The following PRKCB variants were observed in gnomAD, a reference collection of about 807,000 sequenced individuals.
PRKCB encodes the protein protein kinase C beta type.
A neutral mutation model predicts 81.5 loss-of-function variants in PRKCB; 13 were observed. The observed-to-expected ratio is 0.16, with a 90% CI of 0.10 to 0.25. The LOEUF (loss-of-function observed/expected upper bound fraction) is 0.25, where lower values mean the gene tolerates loss of function less well. Ranked by LOEUF, PRKCB falls within the 10% of genes least tolerant of loss-of-function variation. The pLI is 1.00. For missense variants in PRKCB, 509 were observed against 875.7 expected, an observed-to-expected ratio of 0.58 and a Z score of 5.29; for synonymous variants, 335 against 321.4, an observed-to-expected ratio of 1.04 and a Z score of -0.45.
In PRKCB at chr16:24,027,000, CT is replaced by C. The variant is rs1395895084; in HGVS notation, c.289-5130del. The stretch of plus-strand genomic sequence containing the variant: ...CAATACCAGTCATGAACAGGGGTTC[CT>C]TTTTTATTATTATTATACTTTAAGT... On this transcript the variant is annotated intron_variant, in intron 3 of 16. Transcript: ENST00000643927. 1.3e-5 allele frequency among the ~76,000 whole-genome samples: 2 copies of C among 152,042 alleles called. 1 individual carries two copies. Among genetic ancestry groups the C allele is most frequent in the Admixed American group, 1.3e-4 (2 of 15,262 alleles).
At chr16:24,011,051 A>C (rs1388351077) in intron 3 of PRKCB, among the ~76,000 whole-genome samples, 2 of 152,006 alleles carry the variant, frequency 1.3e-5, no homozygotes, top group African/African-American at 4.8e-5. Context: ...TTTTTTGTAG[A>C]GATGGGGTTT....
At position 24,191,080 on chromosome 16, in the gene PRKCB, T is replaced by C. The variant is rs2141979802; in HGVS notation, c.1723-10T>C. On this transcript the variant is annotated splice_polypyrimidine_tract_variant and intron_variant, in intron 15 of 16. Coordinates refer to ENST00000643927, the MANE Select transcript of PRKCB (RefSeq NM_002738.7). The stretch of plus-strand genomic sequence containing the variant: ...ACTCAGCAAATTCAATGTTTTTCTT[T>C]CTCTCGAAGCTGATGACCAAACACC... 6.2e-7 allele frequency: 1 copy of C among 1,611,286 alleles called. No individual in the cohort carries two copies. Among genetic ancestry groups the C allele is most frequent in the East Asian group, 2.2e-5 (1 of 44,808 alleles).
chr16:24,141,454 C>T lies in PRKCB; in HGVS notation c.1066-13230C>T, dbSNP rs543302526. Among the ~76,000 whole-genome samples, 11 of 152,302 alleles carry T rather than the reference C, an allele frequency of 7.2e-5. No homozygotes were observed. The Middle Eastern group carries it at 0.017, about 235-fold the overall frequency. Reference sequence around the variant, plus strand: ...CAAGTGATCCACCTGCCTCAGCCTCCCAAAGTGCTGGGATTACAGGCGTGA... The same window carrying T: ...CAAGTGATCCACCTGCCTCAGCCTCTCAAAGTGCTGGGATTACAGGCGTGA... On this transcript the variant is annotated intron_variant, in intron 9 of 16. Coordinates refer to ENST00000643927, the MANE Select transcript of PRKCB (RefSeq NM_002738.7).
intron 15 of PRKCB, 27 bp from the exon 16 acceptor site, chr16:24,191,063 A>C: frequency 6.2e-7 from 1 of 1,608,374 alleles, no homozygotes; most frequent in Non-Finnish European, 8.5e-7. Flanking sequence ...AAACTCAGCA[A>C]ATTCAATGTT....
At position 23,917,248 on chromosome 16, in the gene PRKCB, A is replaced by G. The variant is rs542673657; in HGVS notation, c.206-71260A>G. Among the ~76,000 whole-genome samples the G allele has an allele frequency of 2.6e-5, 4 of 151,948 alleles. No homozygotes were observed. The East Asian group carries it at 7.8e-4, about 29-fold the overall frequency. On this transcript the variant is annotated intron_variant, in intron 2 of 16. Transcript: ENST00000643927. Reference sequence around the variant, plus strand: ...CAGGTGTGTGCTACCACACCCGGCTAATTTTTGTGTTTTTAGTAGAGATAG... The same window carrying G: ...CAGGTGTGTGCTACCACACCCGGCTGATTTTTGTGTTTTTAGTAGAGATAG...
chr16:24,051,010 C>T (rs778333967), intron 5 of PRKCB, among the ~76,000 whole-genome samples: 6 of 152,092 alleles, frequency 3.9e-5, no homozygotes, highest in Non-Finnish European at 5.9e-5. Context: ...TTTTGCTCCA[C>T]GGCCAGGCTG....
intron 12 of PRKCB, 38 bp from the exon 13 acceptor site, chr16:24,180,752 C>T (rs1007730938): frequency 1.1e-5 from 18 of 1,602,958 alleles, no homozygotes; most frequent in East Asian, 1.1e-4. Flanking sequence ...AAATGCATAG[C>T]GTTTAATTAA....
At chr16:23,942,960 G>A (rs754453129) in intron 2 of PRKCB, among the ~76,000 whole-genome samples, 2 of 152,166 alleles carry the variant, frequency 1.3e-5, no homozygotes, top group African/African-American at 2.4e-5. Context: ...GGCAGTGACT[G>A]TCTCTTCTAT....
chr16:24,097,773 G>A (rs926282760), intron 7 of PRKCB, among the ~76,000 whole-genome samples: 2 of 152,160 alleles, frequency 1.3e-5, no homozygotes, highest in African/African-American at 4.8e-5. Context: ...AAAGTGGGAC[G>A]GGGAGGTGCT....
At chr16:23,990,905 A>T (rs950594045) in intron 3 of PRKCB, among the ~76,000 whole-genome samples, 4 of 152,208 alleles carry the variant, frequency 2.6e-5, no homozygotes, top group Non-Finnish European at 5.9e-5. Context: ...GCTTTCCACC[A>T]TGCACAGTCT....
At chr16:24,193,791 G>A (rs565334790) in intron 16 of PRKCB, among the ~76,000 whole-genome samples, 1 of 152,288 alleles carries the variant, frequency 6.6e-6, no homozygotes, top group South Asian at 2.1e-4. Flanking sequence ...ATGCAAGCCA[G>A]AGAGCAGGTG....
At chr16:24,163,066 C>A (rs1967287269) in intron 10 of PRKCB, among the ~76,000 whole-genome samples, 1 of 152,192 alleles carries the variant, frequency 6.6e-6, no homozygotes, top group African/African-American at 2.4e-5. Flanking sequence ...AAATTCCCTG[C>A]ATTTCAGATC....
chr16:24,170,209 C>T (rs999405710), intron 10 of PRKCB, among the ~76,000 whole-genome samples: 5 of 152,110 alleles, frequency 3.3e-5, no homozygotes, highest in Admixed American at 3.3e-4. Flanking sequence ...CTATCCTCAG[C>T]ACCCATCTAT....
chr16:24,202,676 A>G (rs1967977152), intron 16 of PRKCB, among the ~76,000 whole-genome samples: 1 of 152,154 alleles, frequency 6.6e-6, no homozygotes. Context: ...TCTACATCAC[A>G]CACAAGGATG....
At chr16:24,208,611 T>C (rs1968084326) in intron 16 of PRKCB, 1 of 152,094 alleles carries the variant, frequency 6.6e-6, no homozygotes, top group Non-Finnish European at 1.5e-5. Context: ...AGTCGGATTT[T>C]CTTTTTTTTT....
At chr16:24,119,977 G>A (rs1966780331) in intron 8 of PRKCB, among the ~76,000 whole-genome samples, 1 of 152,188 alleles carries the variant, frequency 6.6e-6, no homozygotes, top group Non-Finnish European at 1.5e-5. Context: ...CTGTACACAG[G>A]AGACGGGATA....
Position 24,220,388 on chromosome 16 carries a change from T to C in PRKCB, c.*5572T>C, listed in dbSNP as rs983469844. The C allele has an allele frequency of 2.2e-5, 6 of 274,730 alleles. No homozygotes were observed. Among genetic ancestry groups the C allele is most frequent in the Non-Finnish European group, 4.1e-5 (6 of 146,976 alleles). 17.0% of individuals were successfully genotyped at this position (274,730 alleles called of 1,614,324 possible). Reference sequence around the variant, plus strand: ...TGAACAGACAATGTCAAAACTACTGTGTCTGATACCAAAATGCTTCAGTAT... The same window carrying C: ...TGAACAGACAATGTCAAAACTACTGCGTCTGATACCAAAATGCTTCAGTAT... On this transcript the variant is annotated 3_prime_UTR_variant, in exon 17 of 17. Transcript: ENST00000643927.
chr16:23,876,049 C>T (rs1428978527), intron 2 of PRKCB, among the ~76,000 whole-genome samples: 1 of 152,136 alleles, frequency 6.6e-6, no homozygotes, highest in East Asian at 1.9e-4. Flanking sequence ...GTTTGCCACT[C>T]TTTTAGAGGT....
intron 16 of PRKCB, among the ~76,000 whole-genome samples, chr16:24,206,707 C>T (rs377657942): frequency 8.5e-5 from 13 of 152,156 alleles, no homozygotes; most frequent in African/African-American, 3.1e-4. Context: ...CCTCTGTGCT[C>T]AATGGCAGCA....
Sources: gnomAD v4.1 joint callset for allele counts (sites outside exome capture counted in the v4.1 genomes callset) on GRCh38, gnomAD v4.1.1 for gene constraint, MANE v1.5 for transcripts, NCBI Gene and HGNC (gene_info 2026-07-23, HGNC 2026-07-21) for gene names.